The following ADGRB3 variants were observed in gnomAD, a reference collection of about 807,000 sequenced individuals.
ADGRB3 encodes the protein adhesion G protein-coupled receptor B3.
A neutral mutation model predicts 193.4 loss-of-function variants in ADGRB3; 37 were observed. The ratio of observed to expected loss-of-function variants is 0.19; its 90% confidence interval spans 0.15 to 0.25. The LOEUF (loss-of-function observed/expected upper bound fraction) is 0.25, where lower values mean the gene tolerates loss of function less well. ADGRB3 is among the 10% of genes least tolerant of loss of function. ADGRB3 has a pLI of 1.00. For synonymous variants in ADGRB3, 690 were observed against 644.2 expected, an observed-to-expected ratio of 1.07 and a Z score of -1.08; for missense variants, 1,637 against 1,852.9, an observed-to-expected ratio of 0.88 and a Z score of 2.14.
At chr6:68,968,331 T>C (rs1346095322) in intron 8 of ADGRB3, among the ~76,000 whole-genome samples, 1 of 152,078 alleles carries the variant, frequency 6.6e-6, no homozygotes, top group East Asian at 1.9e-4. Flanking sequence ...CGAAGTACCT[T>C]TTGCCAGAAT....
chr6:68,778,690 C>T (rs1025303701), intron 3 of ADGRB3, among the ~76,000 whole-genome samples: 1 of 152,084 alleles, frequency 6.6e-6, no homozygotes, highest in Non-Finnish European at 1.5e-5. Flanking sequence ...ACTGAGCCAA[C>T]CTGCGTGTTT....
intron 14 of ADGRB3, 115 bp downstream of exon 14, chr6:69,048,449 T>C: frequency 9.2e-7 from 1 of 1,085,368 alleles, no homozygotes; most frequent in South Asian, 1.9e-5. Context: ...CTGTAATCAT[T>C]ATTTTAAACT....
chr6:69,229,501 C>T (rs765799949), intron 17 of ADGRB3, among the ~76,000 whole-genome samples: 1 of 151,840 alleles, frequency 6.6e-6, no homozygotes, highest in African/African-American at 2.4e-5. Flanking sequence ...TCCTAATATC[C>T]CAAGAGTTAA....
chr6:68,802,180 A>ATGCG (rs201947309), intron 3 of ADGRB3, among the ~76,000 whole-genome samples: 3,230 of 146,622 alleles, frequency 0.022, 62 homozygotes, highest in South Asian at 0.065. Flanking sequence ...AAATGCACAT[A>ATGCG]TGCGTGTGTG....
At chr6:69,127,894 A>AG (rs1773896819) in intron 17 of ADGRB3, among the ~76,000 whole-genome samples, 3 of 87,862 alleles carry the variant, frequency 3.4e-5, no homozygotes, top group African/African-American at 9.9e-5. Context: ...CCAAGATAAT[A>AG]GTTTTTTTTT....
intron 3 of ADGRB3, among the ~76,000 whole-genome samples, chr6:68,665,544 T>A (rs1375607517): frequency 6.6e-6 from 1 of 151,824 alleles, no homozygotes; most frequent in Non-Finnish European, 1.5e-5. Context: ...TGCACAGAGC[T>A]CTGTTGGGGT....
chr6:68,781,231 A>C (rs1241171988), intron 3 of ADGRB3, among the ~76,000 whole-genome samples: 2 of 152,154 alleles, frequency 1.3e-5, no homozygotes. Flanking sequence ...TTATGAGGTC[A>C]TAAAATTTCT....
intron 20 of ADGRB3, among the ~76,000 whole-genome samples, chr6:69,253,862 G>A (rs1478540985): frequency 6.6e-6 from 1 of 151,846 alleles, no homozygotes; most frequent in Non-Finnish European, 1.5e-5. Context: ...TCAGATGAGG[G>A]CAAAAATATT....
At chr6:69,325,189 C>G (rs933606755) in intron 21 of ADGRB3, among the ~76,000 whole-genome samples, 167 bp downstream of exon 21, 1 of 151,928 alleles carries the variant, frequency 6.6e-6, no homozygotes, top group Non-Finnish European at 1.5e-5. Context: ...TCATTTGGAA[C>G]TTTAAAAGGA....
chr6:69,178,371 G>T (rs1775488235), intron 17 of ADGRB3, among the ~76,000 whole-genome samples: 1 of 152,000 alleles, frequency 6.6e-6, no homozygotes, highest in Non-Finnish European at 1.5e-5. Context: ...GTAGACAAAT[G>T]GTTCTTGGTT....
At chr6:68,827,134 C>T (rs181900203) in intron 3 of ADGRB3, among the ~76,000 whole-genome samples, 106 of 152,006 alleles carry the variant, frequency 7.0e-4, no homozygotes, top group African/African-American at 2.4e-3. Context: ...CTCTATATTG[C>T]GAGATTTGGG....
chr6:68,801,453 C>T (rs1258782239), intron 3 of ADGRB3, among the ~76,000 whole-genome samples: 4 of 151,960 alleles, frequency 2.6e-5, no homozygotes, highest in African/African-American at 4.8e-5. Context: ...TATGGGAGGC[C>T]GAGGTGGGCA....
chr6:69,065,348 A>G (rs370672736), intron 16 of ADGRB3, among the ~76,000 whole-genome samples: 1 of 152,170 alleles, frequency 6.6e-6, no homozygotes, highest in Non-Finnish European at 1.5e-5. Context: ...AGGCTCCTCC[A>G]GTTACTGACC....
intron 20 of ADGRB3, among the ~76,000 whole-genome samples, chr6:69,243,890 TA>T (rs1766435333): frequency 1.3e-5 from 2 of 152,006 alleles, no homozygotes; most frequent in South Asian, 4.1e-4. Context: ...CAAAATATTA[TA>T]AAATAAATTG....
intron 3 of ADGRB3, among the ~76,000 whole-genome samples, chr6:68,657,498 A>C (rs1002220342): frequency 1.3e-5 from 2 of 151,430 alleles, no homozygotes; most frequent in African/African-American, 4.8e-5. Flanking sequence ...CAGTCTTGAA[A>C]ATACTACAGA....
Position 69,327,904 on chromosome 6 carries a change from A to C in ADGRB3, c.3035+15A>C. On this transcript the variant is annotated intron_variant, in intron 22 of 31. Coordinates refer to ENST00000370598, the MANE Select transcript of ADGRB3 (RefSeq NM_001704.3). ...ACTGATCACTAGTAAGTCCATCCAC[A>C]GAGATAAATCATGTTTATAATTTAA... is the stretch of plus-strand genomic sequence containing the variant. 1 of 1,588,578 alleles carries C rather than the reference A, an allele frequency of 6.3e-7. No homozygotes were observed. Among genetic ancestry groups the C allele is most frequent in the Non-Finnish European group, 8.6e-7 (1 of 1,161,096 alleles).
At position 69,303,839 on chromosome 6, in the gene ADGRB3, A is replaced by G. The variant is rs550599262; in HGVS notation, c.2815-21033A>G. 4.3e-4 allele frequency among the ~76,000 whole-genome samples: 66 copies of G among 152,106 alleles called. No homozygotes were observed. The Middle Eastern group carries it at 0.017, about 39-fold the overall frequency. ...TTAAGAGTTAGGGATTTGGTTTAGT[A>G]ATTAAATAGGATTTCATGTGTAGCA... On this transcript the variant is annotated intron_variant, in intron 20 of 31. Coordinates refer to ENST00000370598, the MANE Select transcript of ADGRB3 (RefSeq NM_001704.3).
intron 17 of ADGRB3, among the ~76,000 whole-genome samples, chr6:69,133,679 T>TTC (rs1774074607): frequency 9.0e-5 from 2 of 22,184 alleles, no homozygotes; most frequent in South Asian, 8.3e-3. Context: ...AGAAAATTTC[T>TTC]TTTTTTTTCT....
intron 21 of ADGRB3, 113 bp downstream of exon 21, chr6:69,325,135 G>A: frequency 9.7e-6 from 13 of 1,347,004 alleles, no homozygotes; most frequent in South Asian, 1.5e-5. Flanking sequence ...TTTAATCTAT[G>A]GAAGTGAAAA....
Sources: allele counts gnomAD v4.1 joint callset (sites outside exome capture counted in the v4.1 genomes callset), GRCh38; gene constraint gnomAD v4.1.1; transcripts MANE v1.5; gene names NCBI Gene and HGNC (gene_info 2026-07-23, HGNC 2026-07-21).